PCNX2: variants seen among roughly 807,000 people sequenced by gnomAD.
The protein encoded by PCNX2 is pecanex 2, also known as pecanex-like protein 2.
PCNX2 carries 168 observed loss-of-function variants against 223.8 expected under a neutral mutation model. The ratio of observed to expected loss-of-function variants is 0.75; its 90% CI spans 0.66 to 0.85. The LOEUF is 0.85. PCNX2 is among the 40% of genes least tolerant of loss of function. The pLI, the probability that PCNX2 is intolerant of heterozygous loss-of-function variation, is 0.00. For missense variants in PCNX2, 2,507 were observed against 2,675.5 expected (o/e 0.94, Z 1.39); for synonymous variants, 1,006 against 1,052.6 (o/e 0.96, Z 0.86).
chr1:233,181,006 C>G (rs949971668), intron 15 of PCNX2: 1 of 152,180 alleles, frequency 6.6e-6, no homozygotes, highest in Non-Finnish European at 1.5e-5. Context: ...AAAGCTCAAA[C>G]CCAGTGATGA....
At chr1:233,197,133 A>G (rs1053189147) in intron 15 of PCNX2, among the ~76,000 whole-genome samples, 1 of 152,202 alleles carries the variant, frequency 6.6e-6, no homozygotes, top group African/African-American at 2.4e-5. Flanking sequence ...ACTGACTACA[A>G]GGAATTCAAG....
chr1:233,252,842 A>G lies in PCNX2; in HGVS notation c.1835-54T>C. The G allele has an allele frequency of 6.2e-6, 9 of 1,461,794 alleles. 1 individual carries two copies. In the South Asian group the frequency reaches 1.3e-4, roughly 21 times the overall value. 90.6% of individuals were successfully genotyped at this position (1,461,794 alleles called of 1,614,324 possible). A position where few individuals can be genotyped will look rare whatever the true frequency, so the allele number is the denominator to read the frequency against. On this transcript the variant is annotated intron_variant, in intron 5 of 33. Coordinates refer to ENST00000258229, the MANE Select transcript of PCNX2 (RefSeq NM_014801.4). ...TAATATAAAATAAATCAATGTGAAA[A>G]CTCTGGGAAATAAGTTACCAAAACT...
chr1:233,262,062 G>A lies in PCNX2; in HGVS notation c.463C>T (p.His155Tyr). 1 of 1,613,838 alleles carries A rather than the reference G, an allele frequency of 6.2e-7. No homozygotes were observed. Among genetic ancestry groups the A allele is most frequent in the African/African-American group, 1.3e-5 (1 of 75,058 alleles). ...CCACTAACCAATGGCCCAGAAGAGT[G>A]ATGAGAGGTTATGCTTTGCCCTCTG... is the stretch of plus-strand genomic sequence containing the variant. ...SSRGQSITSH[H>Y]SSGPLELSAQ... The change falls in exon 3 of 34, where the codon CAC becomes TAC. Residue 155 changes from histidine to tyrosine, a missense_variant. Around this residue, in one of 3 missense-constraint regions of PCNX2, gnomAD observed 1,031 missense variants for 1,021.7 expected, o/e 1.01. Transcript: ENST00000258229.
chr1:233,164,573 A>G (rs1355695571), intron 17 of PCNX2, among the ~76,000 whole-genome samples: 1 of 151,560 alleles, frequency 6.6e-6, no homozygotes, highest in Non-Finnish European at 1.5e-5. Context: ...TAATATATAT[A>G]ATCACATTTT....
Position 233,208,613 on chromosome 1 carries a change from G to A in PCNX2, c.2768C>T (p.Thr923Ile). ...GGGAGGGTGCCTGGCTTTGGCCCCT[G>A]TATCAAGAAGCAAAATAAGGCCACA... ...VLCGLILLLD[T>I]GAKARHPPSY... The change falls in exon 13 of 34, where the codon ACA becomes ATA. Residue 923 changes from threonine (T) to isoleucine (I), a missense_variant. Physicochemically the swap from Thr to Ile is moderately conservative, Grantham distance 89. Around this residue, in one of 3 missense-constraint regions of PCNX2, gnomAD observed 104 missense variants for 144.4 expected, o/e 0.72. Transcript: ENST00000258229. The A allele has an allele frequency of 6.2e-7, 1 of 1,613,722 alleles. No individual in the cohort carries two copies.
At chr1:233,207,115 T>C (rs1681520820) in intron 13 of PCNX2, among the ~76,000 whole-genome samples, 1 of 151,654 alleles carries the variant, frequency 6.6e-6, no homozygotes, top group African/African-American at 2.4e-5. Context: ...GGGCTTGTGG[T>C]GGGTTGGGCA....
chr1:233,092,646 C>T (rs911404682), intron 22 of PCNX2, among the ~76,000 whole-genome samples: 10 of 152,064 alleles, frequency 6.6e-5, no homozygotes, highest in African/African-American at 2.4e-4. Context: ...AAGGCAGTAC[C>T]AAGAAAGAAG....
intron 25 of PCNX2, among the ~76,000 whole-genome samples, chr1:233,040,233 G>T (rs1308793528): frequency 6.6e-6 from 1 of 152,100 alleles, no homozygotes. Flanking sequence ...GAAAAATGTA[G>T]CAGCCTTACA....
intron 23 of PCNX2, among the ~76,000 whole-genome samples, chr1:233,082,750 T>C (rs767283217): frequency 3.3e-5 from 5 of 152,232 alleles, no homozygotes; most frequent in Admixed American, 6.5e-5. Flanking sequence ...CATTCAGCAA[T>C]ATTCATTTGG....
upstream of PCNX2, among the ~76,000 whole-genome samples, chr1:233,298,051 A>G (rs930267834): frequency 1.3e-5 from 2 of 152,164 alleles, no homozygotes; most frequent in Non-Finnish European, 2.9e-5. Context: ...TTTGCAAGCC[A>G]TCAGGGAGAG....
chr1:233,088,104 G>A (rs370043586), intron 23 of PCNX2, among the ~76,000 whole-genome samples: 4 of 152,174 alleles, frequency 2.6e-5, no homozygotes, highest in African/African-American at 4.8e-5. Context: ...AATTTTGGAA[G>A]TGAGGAGACT....
At chr1:233,256,083 A>G (rs1353386087) in intron 5 of PCNX2, among the ~76,000 whole-genome samples, 1 of 152,142 alleles carries the variant, frequency 6.6e-6, no homozygotes, top group Admixed American at 6.6e-5. Context: ...CAAGTTCTTG[A>G]TAACTAAGCC....
intron 23 of PCNX2, 83 bp downstream of exon 23, chr1:233,089,978 G>A (rs1355349435): frequency 4.4e-6 from 7 of 1,582,376 alleles, no homozygotes; most frequent in South Asian, 3.5e-5. Flanking sequence ...TGGAGCCAGG[G>A]ACCTCCTAAC....
chr1:233,198,451 C>T (rs535311540), intron 15 of PCNX2, among the ~76,000 whole-genome samples: 19 of 152,312 alleles, frequency 1.2e-4, no homozygotes, highest in Admixed American at 2.6e-4. Context: ...TCATCTTAGG[C>T]TTCCCTTGCT....
Position 233,263,035 on chromosome 1 carries a change from C to G in PCNX2, c.282G>C (p.Lys94Asn), listed in dbSNP as rs755360475. The G allele has an allele frequency of 5.0e-6, 8 of 1,613,702 alleles. No individual in the cohort carries two copies. The South Asian group carries it at 8.8e-5, about 18-fold the overall frequency. Residue 94 changes from lysine to asparagine, a missense_variant, in exon 2 of 34, where the codon AAG becomes AAC. Around this residue, in one of 3 missense-constraint regions of PCNX2, gnomAD observed 1,031 missense variants for 1,021.7 expected, o/e 1.01. Coordinates refer to ENST00000258229, the MANE Select transcript of PCNX2 (RefSeq NM_014801.4). ...TTGGCTTTTCTTCCTTTCTGGAGGG[C>G]TTTTGCTGAATTACTTCTCCTTTGT... ...MFDKGEVIQQ[K>N]PSRKEEKPNK... is the part of the protein sequence containing the mutation.
intron 21 of PCNX2, among the ~76,000 whole-genome samples, chr1:233,104,656 C>A (rs1571875151): frequency 6.6e-6 from 1 of 152,074 alleles, no homozygotes; most frequent in African/African-American, 2.4e-5. Context: ...ACAGAATTAA[C>A]AAGCTTCATC....
intron 21 of PCNX2, among the ~76,000 whole-genome samples, chr1:233,120,931 A>G (rs1675745414): frequency 6.6e-6 from 1 of 152,144 alleles, no homozygotes; most frequent in Non-Finnish European, 1.5e-5. Context: ...CTAAACATAA[A>G]GATTCAGAAC....
chr1:233,318,333 C>T, the PCNX2 span, among the ~76,000 whole-genome samples: 1 of 152,026 alleles, frequency 6.6e-6, no homozygotes, highest in African/African-American at 2.4e-5. Flanking sequence ...TCCCTTTAAC[C>T]GCTGCAGTTT....
At chr1:233,295,825 CAGA>C, upstream of PCNX2, 1 of 254,944 alleles carries the variant, frequency 3.9e-6, no homozygotes. The surrounding 1 kb of genome is among the most constrained non-coding windows in gnomAD (Gnocchi z 4.1). Flanking sequence ...CGCTGGGGGC[CAGA>C]AGGATTTCTG....
Sources: allele counts gnomAD v4.1 joint callset (sites outside exome capture counted in the v4.1 genomes callset), GRCh38; gene constraint gnomAD v4.1.1; regional missense constraint gnomAD v4.1.1; non-coding constraint Gnocchi (gnomAD v3.1); transcripts MANE v1.5; gene names NCBI Gene and HGNC (gene_info 2026-07-23, HGNC 2026-07-21).